The following SPMIP4 variants were observed in gnomAD, a reference collection of about 807,000 sequenced individuals.
SPMIP4 encodes the protein sperm microtubule inner protein 4.
At chr7:25,177,330 A>C in the SPMIP4 span, among the ~76,000 whole-genome samples, 2 of 152,098 alleles carry the variant, frequency 1.3e-5, no homozygotes, top group South Asian at 4.1e-4. Flanking sequence ...AAAATACAAA[A>C]GAATTAGCTG....
At chr7:25,140,174 T>C in the SPMIP4 span, among the ~76,000 whole-genome samples, 5 of 152,220 alleles carry the variant, frequency 3.3e-5, no homozygotes, top group Non-Finnish European at 7.3e-5. Context: ...AACAAAAAAA[T>C]TATTAAAAAC....
chr7:25,140,503 T>C, the SPMIP4 span, among the ~76,000 whole-genome samples: 1 of 152,146 alleles, frequency 6.6e-6, no homozygotes, highest in African/African-American at 2.4e-5. Context: ...GGTTTCACCA[T>C]GTTGGCCAGG....
At chr7:25,171,408 G>C in the SPMIP4 span, among the ~76,000 whole-genome samples, 1 of 152,168 alleles carries the variant, frequency 6.6e-6, no homozygotes, top group Non-Finnish European at 1.5e-5. Flanking sequence ...TTCTGTGATA[G>C]AGGAATCAAA....
the SPMIP4 span, among the ~76,000 whole-genome samples, chr7:25,140,834 GC>G: frequency 2.0e-5 from 3 of 152,140 alleles, no homozygotes; most frequent in South Asian, 4.2e-4. Context: ...CGATCCACCC[GC>G]CTCAGCCTCC....
At chr7:25,140,681 T>C in the SPMIP4 span, among the ~76,000 whole-genome samples, 1 of 151,422 alleles carries the variant, frequency 6.6e-6, no homozygotes, top group Admixed American at 6.6e-5. Flanking sequence ...CCCATCCCCC[T>C]GGCTGAAGCG....
At chr7:25,136,717 C>T in the SPMIP4 span, 14 of 1,614,134 alleles carry the variant, frequency 8.7e-6, no homozygotes, top group Middle Eastern at 1.6e-4. This position sits in a 1 kb window ranked among gnomAD's most constrained non-coding sequence, Gnocchi z 5.7. Context: ...CTCCAGAGAA[C>T]GTCGGTTCTG....
At chr7:25,145,933 T>G in the SPMIP4 span, among the ~76,000 whole-genome samples, 1 of 151,966 alleles carries the variant, frequency 6.6e-6, no homozygotes, top group East Asian at 1.9e-4. Context: ...AGTTTTTTTT[T>G]TTGTTTTATT....
the SPMIP4 span, among the ~76,000 whole-genome samples, chr7:25,163,604 C>T: frequency 6.6e-6 from 1 of 152,306 alleles, no homozygotes; most frequent in South Asian, 2.1e-4. This position sits in a 1 kb window ranked among gnomAD's most constrained non-coding sequence, Gnocchi z 4.4. Flanking sequence ...CACATATGGA[C>T]TCAGTGACAT....
At chr7:25,179,499 G>T in the SPMIP4 span, 1 of 459,054 alleles carries the variant, frequency 2.2e-6, no homozygotes, top group Non-Finnish European at 3.7e-6. Context: ...TAAGTTCTAT[G>T]GAAATAAATT....
At chr7:25,142,364 A>G in the SPMIP4 span, 2 of 1,470,050 alleles carry the variant, frequency 1.4e-6, no homozygotes, top group East Asian at 2.3e-5. Context: ...TTATTTTGTT[A>G]GGGTAAACGA....
At chr7:25,131,434 C>G in the SPMIP4 span, among the ~76,000 whole-genome samples, 1 of 152,222 alleles carries the variant, frequency 6.6e-6, no homozygotes, top group Non-Finnish European at 1.5e-5. The surrounding 1 kb of genome is among the most constrained non-coding windows in gnomAD (Gnocchi z 4.2). Context: ...TTCCACAAAA[C>G]TGGTTCCTGA....
At chr7:25,134,994 GT>G in the SPMIP4 span, 1 of 921,764 alleles carries the variant, frequency 1.1e-6, no homozygotes, top group Middle Eastern at 5.6e-4. Flanking sequence ...TTTTAAGGAG[GT>G]TACAACCAAA....
At chr7:25,177,221 T>C in the SPMIP4 span, among the ~76,000 whole-genome samples, 221 of 152,292 alleles carry the variant, frequency 1.5e-3, 1 homozygote, top group South Asian at 0.011. Flanking sequence ...TCTGGTTTCC[T>C]AGAGAATTCT....
At chr7:25,129,212 T>C in the SPMIP4 span, among the ~76,000 whole-genome samples, 1 of 152,162 alleles carries the variant, frequency 6.6e-6, no homozygotes, top group Non-Finnish European at 1.5e-5. Context: ...TGCCCAAGAA[T>C]TGTAGTTCTT....
At chr7:25,176,740 TAAAG>T in the SPMIP4 span, among the ~76,000 whole-genome samples, 5 of 152,200 alleles carry the variant, frequency 3.3e-5, no homozygotes, top group Admixed American at 2.0e-4. The surrounding 1 kb of genome is among the most constrained non-coding windows in gnomAD (Gnocchi z 4.4). Context: ...GTTGGAAAAA[TAAAG>T]AATTTGTTTT....
the SPMIP4 span, among the ~76,000 whole-genome samples, chr7:25,128,058 A>C: frequency 1.3e-5 from 2 of 152,212 alleles, no homozygotes; most frequent in Non-Finnish European, 2.9e-5. The surrounding 1 kb of genome is among the most constrained non-coding windows in gnomAD (Gnocchi z 4.5). Flanking sequence ...CACCCAAACA[A>C]ATGGAGTCTC....
the SPMIP4 span, among the ~76,000 whole-genome samples, chr7:25,156,528 T>C: frequency 2.0e-5 from 3 of 152,186 alleles, no homozygotes; most frequent in South Asian, 6.2e-4. Flanking sequence ...GCCTTTTGAA[T>C]AGGTCTTTAG....
At chr7:25,139,478 T>C in the SPMIP4 span, among the ~76,000 whole-genome samples, 4 of 152,164 alleles carry the variant, frequency 2.6e-5, no homozygotes, top group South Asian at 4.1e-4. Flanking sequence ...TACCAAAGAA[T>C]GTATGTATAA....
the SPMIP4 span, among the ~76,000 whole-genome samples, chr7:25,176,780 A>C: frequency 2.0e-5 from 3 of 152,342 alleles, no homozygotes; most frequent in Admixed American, 2.0e-4. This position sits in a 1 kb window ranked among gnomAD's most constrained non-coding sequence, Gnocchi z 4.4. Context: ...TGATTTCTAC[A>C]TTATGAGGAA....
Sources: gnomAD v4.1 joint callset for allele counts (sites outside exome capture counted in the v4.1 genomes callset) on GRCh38, gnomAD v4.1.1 for gene constraint, Gnocchi (gnomAD v3.1) non-coding constraint, MANE v1.5 for transcripts, NCBI Gene and HGNC (gene_info 2026-07-23, HGNC 2026-07-21) for gene names.